The following CADPS variants were observed in gnomAD, a reference collection of about 807,000 sequenced individuals.
The protein encoded by CADPS is calcium-dependent secretion activator 1.
In CADPS, 57 loss-of-function variants were observed where a neutral mutation model predicts 167.3. The observed-to-expected ratio is 0.34, with a 90% CI of 0.28 to 0.42. The LOEUF is 0.42. Ranked by LOEUF, CADPS falls within the 20% of genes least tolerant of loss-of-function variation. The pLI, the probability that CADPS is intolerant of heterozygous loss-of-function variation, is 1.00. For missense variants in CADPS, 1,414 were observed against 1,738.1 expected (o/e 0.81, Z 3.32); for synonymous variants, 676 against 635.3 (o/e 1.06, Z -0.96).
intron 12 of CADPS, among the ~76,000 whole-genome samples, chr3:62,533,931 G>C (rs948501028): frequency 6.6e-6 from 1 of 152,004 alleles, no homozygotes; most frequent in Non-Finnish European, 1.5e-5. Context: ...GCTTGCTATG[G>C]GACCAGTCCA....
At chr3:62,588,054 G>A (rs904811622) in intron 7 of CADPS, among the ~76,000 whole-genome samples, 3 of 152,138 alleles carry the variant, frequency 2.0e-5, no homozygotes, top group Non-Finnish European at 2.9e-5. Flanking sequence ...TGATGTGGCC[G>A]CCACGACCCA....
intron 27 of CADPS, chr3:62,439,864 CCTT>C (rs1174125338): frequency 3.3e-5 from 5 of 152,140 alleles, no homozygotes; most frequent in African/African-American, 1.2e-4. Context: ...TTGCACCACT[CCTT>C]CTCTTTTCAC....
chr3:62,646,203 C>T (rs1373802916), intron 5 of CADPS, among the ~76,000 whole-genome samples: 1 of 150,206 alleles, frequency 6.7e-6, no homozygotes, highest in Non-Finnish European at 1.5e-5. Flanking sequence ...GCTCTGTCAC[C>T]CAGGCTGGAG....
intron 2 of CADPS, among the ~76,000 whole-genome samples, chr3:62,755,615 T>TA (rs34680975): frequency 1.4e-4 from 21 of 152,200 alleles, no homozygotes; most frequent in South Asian, 6.2e-4. Context: ...TGTTTTTTTT[T>TA]AAAAAGGCTC....
At chr3:62,482,588 A>G (rs931719357) in intron 21 of CADPS, among the ~76,000 whole-genome samples, 5 of 152,260 alleles carry the variant, frequency 3.3e-5, no homozygotes, top group African/African-American at 1.2e-4. Context: ...GTTTACACAC[A>G]GAAACAGACA....
chr3:62,449,834 C>G (rs1029550402), intron 26 of CADPS, among the ~76,000 whole-genome samples: 1 of 147,162 alleles, frequency 6.8e-6, no homozygotes, highest in African/African-American at 2.5e-5. Flanking sequence ...ATTTTCTTTT[C>G]TTTTTTAACT....
At chr3:62,494,411 A>T (rs1461599340) in intron 18 of CADPS, among the ~76,000 whole-genome samples, 1 of 152,194 alleles carries the variant, frequency 6.6e-6, no homozygotes, top group African/African-American at 2.4e-5. Context: ...ACTCTCATCA[A>T]TCCTGATTCC....
chr3:62,859,732 G>C (rs559583627), intron 1 of CADPS, among the ~76,000 whole-genome samples: 1 of 152,206 alleles, frequency 6.6e-6, no homozygotes, highest in African/African-American at 2.4e-5. Flanking sequence ...AACTCATAGG[G>C]AGTTGTTTCT....
intron 1 of CADPS, among the ~76,000 whole-genome samples, chr3:62,766,581 G>A (rs761514847): frequency 6.6e-6 from 1 of 152,094 alleles, no homozygotes; most frequent in Non-Finnish European, 1.5e-5. Context: ...ATTGTTGTTG[G>A]TACATCCATG....
At chr3:62,834,060 G>A (rs141097902) in intron 1 of CADPS, among the ~76,000 whole-genome samples, 144 of 152,234 alleles carry the variant, frequency 9.5e-4, no homozygotes, top group Admixed American at 2.4e-3. Flanking sequence ...TAAGTTCTCT[G>A]TCATGGGTCT....
At chr3:62,843,410 T>C (rs1559882599) in intron 1 of CADPS, among the ~76,000 whole-genome samples, 1 of 152,318 alleles carries the variant, frequency 6.6e-6, no homozygotes, top group East Asian at 1.9e-4. Context: ...AAGACAATTA[T>C]CTTGTGTGTT....
intron 3 of CADPS, among the ~76,000 whole-genome samples, chr3:62,723,244 G>A (rs1481644890): frequency 1.3e-5 from 2 of 152,146 alleles, no homozygotes; most frequent in Non-Finnish European, 2.9e-5. Flanking sequence ...AATTCAAATC[G>A]ACTAGATTTT....
chr3:62,614,292 T>C (rs1022954665), intron 6 of CADPS, among the ~76,000 whole-genome samples: 3 of 152,126 alleles, frequency 2.0e-5, no homozygotes, highest in Non-Finnish European at 2.9e-5. Flanking sequence ...AAGTCACATG[T>C]TTGCTAAGTA....
At chr3:62,789,547 A>G (rs1468563729) in intron 1 of CADPS, among the ~76,000 whole-genome samples, 1 of 152,188 alleles carries the variant, frequency 6.6e-6, no homozygotes, top group Non-Finnish European at 1.5e-5. Context: ...TTTGAGACTC[A>G]GTAACTATCA....
chr3:62,834,070 T>C lies in CADPS; in HGVS notation c.441+40519A>G, dbSNP rs548555669. Among the ~76,000 whole-genome samples, 17 of 152,286 alleles carry C rather than the reference T, an allele frequency of 1.1e-4. No individual in the cohort carries two copies. The East Asian group carries it at 1.5e-3, about 14-fold the overall frequency. ...TTTTGTAAGTTCTCTGTCATGGGTC[T>C]TTGTAAGAAAAAGAAAATCATGCGT... On this transcript the variant is annotated intron_variant, in intron 1 of 29. Coordinates refer to ENST00000383710, the MANE Select transcript of CADPS (RefSeq NM_003716.4).
At chr3:62,549,806 A>C in intron 11 of CADPS, 97 bp downstream of exon 11, 1 of 920,844 alleles carries the variant, frequency 1.1e-6, no homozygotes, top group Non-Finnish European at 1.7e-6. Context: ...TGATTTTATA[A>C]ATTTTAAGTA....
At chr3:62,548,368 C>T (rs1442193955) in intron 11 of CADPS, among the ~76,000 whole-genome samples, 1 of 148,478 alleles carries the variant, frequency 6.7e-6, no homozygotes, top group Non-Finnish European at 1.5e-5. Flanking sequence ...TAGGTGTGGG[C>T]AATCTCTTTC....
At chr3:62,840,439 C>T (rs1462356223) in intron 1 of CADPS, among the ~76,000 whole-genome samples, 5 of 152,124 alleles carry the variant, frequency 3.3e-5, no homozygotes, top group African/African-American at 1.2e-4. Flanking sequence ...AACACAAGAA[C>T]CAGATCACCA....
At chr3:62,865,903 C>T (rs746099795) in intron 1 of CADPS, among the ~76,000 whole-genome samples, 3 of 151,692 alleles carry the variant, frequency 2.0e-5, no homozygotes, top group Non-Finnish European at 4.4e-5. Flanking sequence ...TTTATTTATG[C>T]CTAAAATATG....
Sources: allele counts gnomAD v4.1 joint callset (sites outside exome capture counted in the v4.1 genomes callset), GRCh38; gene constraint gnomAD v4.1.1; transcripts MANE v1.5; gene names NCBI Gene and HGNC (gene_info 2026-07-23, HGNC 2026-07-21).